The following FBXO36 variants were observed in gnomAD, a reference collection of about 807,000 sequenced individuals.
FBXO36 encodes the protein F-box only protein 36.
A neutral mutation model predicts 17.0 loss-of-function variants in FBXO36; 18 were observed. The observed-to-expected ratio is 1.06, with a 90% CI of 0.73 to 1.57. The LOEUF (loss-of-function observed/expected upper bound fraction) is 1.57. FBXO36 is among the 40% of genes most tolerant of loss of function. FBXO36 has a pLI of 0.00. For missense variants in FBXO36, 229 were observed against 221.9 expected, an observed-to-expected ratio of 1.03 and a Z score of -0.20; for synonymous variants, 83 against 85.3, an observed-to-expected ratio of 0.97 and a Z score of 0.15.
intron 3 of FBXO36, among the ~76,000 whole-genome samples, chr2:229,997,718 C>T (rs954251457): frequency 6.6e-6 from 1 of 152,162 alleles, no homozygotes. Context: ...TTGCAGTGTC[C>T]TGTTTTCTTC....
intron 3 of FBXO36, among the ~76,000 whole-genome samples, chr2:230,009,488 TAGA>T (rs2077403620): frequency 6.6e-6 from 1 of 152,304 alleles, no homozygotes; most frequent in Non-Finnish European, 1.5e-5. Context: ...CAAAAGTTAA[TAGA>T]AGAATAGAAC....
rs1041282851 is a variant in FBXO36, at chr2:229,982,539, G to T, written c.205+6190G>T. 6.6e-5 allele frequency among the ~76,000 whole-genome samples: 10 copies of T among 151,986 alleles called. No homozygotes were observed. In the East Asian group the frequency reaches 1.9e-3, roughly 29 times the overall value. ...ATCCTTAATTTGGCTGGGCACAGTG[G>T]CTCACACCAGTAATCCTAGCACTTT... On this transcript the variant is annotated intron_variant, in intron 2 of 3. Coordinates refer to ENST00000283946, the MANE Select transcript of FBXO36 (RefSeq NM_174899.5).
At chr2:229,935,229 A>G (rs568312552) in intron 1 of FBXO36, among the ~76,000 whole-genome samples, 53 of 152,334 alleles carry the variant, frequency 3.5e-4, no homozygotes, top group South Asian at 1.4e-3. Context: ...ATTTGTGCCT[A>G]TACAAAGCAG....
At chr2:229,936,711 A>C (rs1015910337) in intron 1 of FBXO36, among the ~76,000 whole-genome samples, 1 of 152,040 alleles carries the variant, frequency 6.6e-6, no homozygotes, top group African/African-American at 2.4e-5. Flanking sequence ...TCTACAAAAA[A>C]AAATTTAAAA....
chr2:229,923,923 G>A (rs1426732723), intron 1 of FBXO36, among the ~76,000 whole-genome samples: 1 of 143,542 alleles, frequency 7.0e-6, no homozygotes, highest in Admixed American at 7.2e-5. Context: ...CGCGATCTCG[G>A]CTCACTGCGA....
At chr2:229,997,521 T>C (rs1412134991) in intron 3 of FBXO36, among the ~76,000 whole-genome samples, 1 of 148,360 alleles carries the variant, frequency 6.7e-6, no homozygotes, top group East Asian at 2.0e-4. Context: ...GAGGTTGCAG[T>C]GAGCCAAGAT....
chr2:229,954,738 G>T (rs534085233), intron 1 of FBXO36, among the ~76,000 whole-genome samples: 57 of 149,386 alleles, frequency 3.8e-4, no homozygotes, highest in African/African-American at 1.4e-3. Flanking sequence ...TAGTGGAGAC[G>T]GGGTTTCACC....
intron 1 of FBXO36, among the ~76,000 whole-genome samples, chr2:229,974,875 C>G (rs1056541210): frequency 1.3e-5 from 2 of 152,134 alleles, no homozygotes; most frequent in Non-Finnish European, 1.5e-5. Flanking sequence ...ATGTCCCTGC[C>G]AAATTCTAAT....
chr2:230,005,378 G>C (rs1259559267), intron 3 of FBXO36, among the ~76,000 whole-genome samples: 1 of 152,100 alleles, frequency 6.6e-6, no homozygotes, highest in Non-Finnish European at 1.5e-5. Flanking sequence ...TGGGATTACA[G>C]GTGTGAGCCA....
chr2:230,001,871 G>A lies in FBXO36; in HGVS notation c.378+4948G>A, dbSNP rs140227946. Among the ~76,000 whole-genome samples, 91 of 152,266 alleles carry A rather than the reference G, an allele frequency of 6.0e-4. No individual in the cohort carries two copies. The Middle Eastern group carries it at 0.01, about 17-fold the overall frequency. Reference sequence around the variant, plus strand: ...GTCACTCCATCACCCAGGCTGGAGTGCAGTGGCATGATCTCTGCTAACTGC... The same window carrying A: ...GTCACTCCATCACCCAGGCTGGAGTACAGTGGCATGATCTCTGCTAACTGC... On this transcript the variant is annotated intron_variant, in intron 3 of 3. Transcript: ENST00000283946.
intron 1 of FBXO36, among the ~76,000 whole-genome samples, chr2:229,927,325 C>G (rs948717167): frequency 6.6e-6 from 1 of 151,840 alleles, no homozygotes; most frequent in African/African-American, 2.4e-5. Flanking sequence ...AAGTTCATGA[C>G]CAATTGGCAA....
intron 2 of FBXO36, among the ~76,000 whole-genome samples, chr2:229,986,017 A>C (rs2077266073): frequency 6.6e-6 from 1 of 152,188 alleles, no homozygotes. Context: ...ACTATACTCC[A>C]GGCTGGGGGA....
At chr2:229,947,243 G>A (rs533548211) in intron 1 of FBXO36, among the ~76,000 whole-genome samples, 1 of 152,272 alleles carries the variant, frequency 6.6e-6, no homozygotes, top group South Asian at 2.1e-4. Flanking sequence ...AAGGCAGGAA[G>A]GGTTTTATGT....
chr2:229,983,111 C>T (rs1005704394), intron 2 of FBXO36, among the ~76,000 whole-genome samples: 1 of 152,026 alleles, frequency 6.6e-6, no homozygotes, highest in Non-Finnish European at 1.5e-5. Context: ...CGCGGTGGCT[C>T]ATGCGTGTAA....
At chr2:229,986,756 A>T (rs2077270585) in intron 2 of FBXO36, among the ~76,000 whole-genome samples, 1 of 150,590 alleles carries the variant, frequency 6.6e-6, no homozygotes, top group Admixed American at 6.6e-5. Context: ...GCTGGTCTGG[A>T]TCTCCTGACC....
intron 1 of FBXO36, chr2:229,939,193 A>G (rs2076983996): frequency 4.1e-6 from 4 of 972,246 alleles, no homozygotes; most frequent in Middle Eastern, 1.1e-3. Flanking sequence ...ATCTGGGATT[A>G]CAGGCATGAG....
intron 1 of FBXO36, among the ~76,000 whole-genome samples, chr2:229,957,270 G>A (rs981276457): frequency 2.0e-5 from 3 of 152,054 alleles, no homozygotes; most frequent in Non-Finnish European, 4.4e-5. Flanking sequence ...GACTGAAGGA[G>A]GCACAGAAAT....
At chr2:229,990,057 C>T (rs535552504) in intron 2 of FBXO36, among the ~76,000 whole-genome samples, 1 of 151,948 alleles carries the variant, frequency 6.6e-6, no homozygotes, top group South Asian at 2.1e-4. Flanking sequence ...GCCGCTTTCT[C>T]ATTGTGTGAT....
intron 1 of FBXO36, among the ~76,000 whole-genome samples, chr2:229,962,481 C>T (rs923635193): frequency 2.1e-5 from 3 of 143,370 alleles, no homozygotes; most frequent in Non-Finnish European, 4.5e-5. Context: ...CAGGCATGCA[C>T]CACCACACCT....
Sources: allele counts gnomAD v4.1 joint callset (sites outside exome capture counted in the v4.1 genomes callset), GRCh38; gene constraint gnomAD v4.1.1; transcripts MANE v1.5; gene names NCBI Gene and HGNC (gene_info 2026-07-23, HGNC 2026-07-21).